Variants in PPP2CB observed in about 807,000 individuals in gnomAD.
PPP2CB encodes the protein serine/threonine-protein phosphatase 2A catalytic subunit beta isoform.
A neutral mutation model predicts 39.1 loss-of-function variants in PPP2CB; 18 were observed. That is an observed-to-expected ratio of 0.46 (90% CI 0.32 to 0.68). PPP2CB has a LOEUF of 0.68. PPP2CB is among the 30% of genes least tolerant of loss of function. The probability of loss-of-function intolerance (pLI) is 0.04; values close to 1 mark genes in which losing one functional copy is unlikely to be tolerated. For missense variants in PPP2CB, 226 were observed against 396.9 expected (o/e 0.57, Z 3.66); for synonymous variants, 129 against 133.8 (o/e 0.96, Z 0.25).
chr8:30,802,500 A>G (rs1806643147), intron 1 of PPP2CB, among the ~76,000 whole-genome samples: 1 of 152,052 alleles, frequency 6.6e-6, no homozygotes, highest in African/African-American at 2.4e-5. Context: ...ATTTTCTTTG[A>G]GACAGGGTCT....
chr8:30,808,187 C>T (rs1806757224), intron 1 of PPP2CB, among the ~76,000 whole-genome samples: 1 of 151,536 alleles, frequency 6.6e-6, no homozygotes, highest in South Asian at 2.1e-4. Context: ...CAACTTCTGC[C>T]TCCTGGGTTC....
Position 30,789,645 on chromosome 8 carries a change from A to G in PPP2CB, c.857+1552T>C, listed in dbSNP as rs528563126. Among the ~76,000 whole-genome samples the G allele has an allele frequency of 2.6e-5, 4 of 152,326 alleles. No homozygotes were observed. In the South Asian group the frequency reaches 8.3e-4, roughly 32 times the overall value. On this transcript the variant is annotated intron_variant, in intron 6 of 6. Coordinates refer to ENST00000221138, the MANE Select transcript of PPP2CB (RefSeq NM_001009552.2). ...AGGGATGAGTGTGATTTTATTTTAA[A>G]GCCTGACTACCTAGGAGGTGCTCCT...
intron 3 of PPP2CB, among the ~76,000 whole-genome samples, chr8:30,794,891 TAATC>T (rs929327844): frequency 7.9e-5 from 12 of 152,232 alleles, no homozygotes; most frequent in Non-Finnish European, 1.6e-4. Context: ...TCTAAGTACA[TAATC>T]AAGTCATTTG....
chr8:30,792,057 T>C (rs1257368596), intron 5 of PPP2CB, among the ~76,000 whole-genome samples: 3 of 147,176 alleles, frequency 2.0e-5, no homozygotes, highest in Non-Finnish European at 4.5e-5. Flanking sequence ...CATTAGTGTA[T>C]GTATGTGTGT....
At chr8:30,810,315 G>C (rs1375286599) in intron 1 of PPP2CB, 2 of 152,274 alleles carry the variant, frequency 1.3e-5, no homozygotes, top group African/African-American at 4.8e-5. Flanking sequence ...GCAGTGCATG[G>C]CTGCATGCAC....
At chr8:30,799,494 C>T (rs1806582682) in intron 2 of PPP2CB, 52 bp downstream of exon 2, 6 of 1,443,194 alleles carry the variant, frequency 4.2e-6, no homozygotes. Flanking sequence ...GTCATTCTTG[C>T]CTTTTGCCTG....
At chr8:30,806,918 T>C (rs1806735685) in intron 1 of PPP2CB, among the ~76,000 whole-genome samples, 1 of 152,206 alleles carries the variant, frequency 6.6e-6, no homozygotes, top group African/African-American at 2.4e-5. Flanking sequence ...ATTAAATATA[T>C]TTACCTAGTC....
Position 30,812,344 on chromosome 8 carries a change from G to C in PPP2CB, c.78C>G (p.Asn26Lys). The change falls in exon 1 of 7, where the codon AAC (asparagine) becomes AAG (lysine). Residue 26 changes from asparagine to lysine, a missense_variant. By Grantham distance (94) the Asn-to-Lys change is moderately conservative. Coordinates refer to ENST00000221138, the MANE Select transcript of PPP2CB (RefSeq NM_001009552.2). The part of the protein sequence containing the change: ...QLNECKQLNE[N>K]QVRTLCEKAK... ...CCTTCTCGCACAGCGTCCGCACTTG[G>C]TTCTCGTTCAGCTGCTTACACTCGT... The C allele has an allele frequency of 6.4e-7, 1 of 1,551,898 alleles. No homozygotes were observed. The highest frequency in any genetic ancestry group is 8.7e-7 in the Non-Finnish European group (1 of 1,145,984).
chr8:30,806,421 G>A (rs1000323652), intron 1 of PPP2CB, among the ~76,000 whole-genome samples: 4 of 152,060 alleles, frequency 2.6e-5, no homozygotes, highest in African/African-American at 4.8e-5. Flanking sequence ...ATCACATTTG[G>A]TCATTAAGGA....
At chr8:30,788,282 A>C (rs1410733773) in intron 6 of PPP2CB, among the ~76,000 whole-genome samples, 3 of 149,564 alleles carry the variant, frequency 2.0e-5, no homozygotes, top group Non-Finnish European at 3.0e-5. Context: ...TTTCTTTCTG[A>C]GACAGGGTCT....
chr8:30,797,301 CATTT>C (rs1288165840), intron 3 of PPP2CB, among the ~76,000 whole-genome samples: 3 of 152,178 alleles, frequency 2.0e-5, no homozygotes, highest in African/African-American at 7.2e-5. Flanking sequence ...GTGTCTTAAA[CATTT>C]ATTTATAATG....
intron 1 of PPP2CB, among the ~76,000 whole-genome samples, chr8:30,807,103 C>T (rs527801357): frequency 5.8e-4 from 88 of 152,156 alleles, no homozygotes; most frequent in African/African-American, 2.1e-3. Flanking sequence ...GGGTCTTGAC[C>T]CTCTATTTCA....
intron 1 of PPP2CB, among the ~76,000 whole-genome samples, chr8:30,810,812 C>A (rs1394629412): frequency 6.6e-6 from 1 of 152,144 alleles, no homozygotes; most frequent in African/African-American, 2.4e-5. Context: ...ACATTACACC[C>A]GTTAAAAATA....
chr8:30,804,320 C>T (rs1806682357), intron 1 of PPP2CB, among the ~76,000 whole-genome samples: 1 of 152,172 alleles, frequency 6.6e-6, no homozygotes, highest in Non-Finnish European at 1.5e-5. Flanking sequence ...GAATTAACCT[C>T]ACCCGAGGAG....
At chr8:30,791,856 GTA>G (rs1269768083) in intron 5 of PPP2CB, among the ~76,000 whole-genome samples, 45 of 149,318 alleles carry the variant, frequency 3.0e-4, no homozygotes, top group African/African-American at 5.9e-4. Context: ...ATATATACGT[GTA>G]TATATGTATA....
intron 5 of PPP2CB, among the ~76,000 whole-genome samples, chr8:30,792,668 C>G (rs1348017541): frequency 6.6e-6 from 1 of 150,904 alleles, no homozygotes; most frequent in Non-Finnish European, 1.5e-5. Flanking sequence ...GTTGCCCAGG[C>G]TGGTCTGAAA....
chr8:30,786,827 C>T (rs1431405578), intron 6 of PPP2CB, among the ~76,000 whole-genome samples: 1 of 138,666 alleles, frequency 7.2e-6, no homozygotes, highest in Admixed American at 7.2e-5. Flanking sequence ...CCATGCCCGG[C>T]TAATTTTCTT....
intron 1 of PPP2CB, among the ~76,000 whole-genome samples, chr8:30,800,510 T>C (rs1252375472): frequency 6.6e-6 from 1 of 152,228 alleles, no homozygotes; most frequent in African/African-American, 2.4e-5. Context: ...TTATTTTATA[T>C]TTATAGAATT....
chr8:30,802,189 A>G (rs991282810), intron 1 of PPP2CB, among the ~76,000 whole-genome samples: 1 of 152,192 alleles, frequency 6.6e-6, no homozygotes, highest in African/African-American at 2.4e-5. Flanking sequence ...TCCAGAAAAC[A>G]TGGGTTCTCT....
Sources: allele counts gnomAD v4.1 joint callset (sites outside exome capture counted in the v4.1 genomes callset), GRCh38; gene constraint gnomAD v4.1.1; transcripts MANE v1.5; gene names NCBI Gene and HGNC (gene_info 2026-07-23, HGNC 2026-07-21).